The following FBXL13 variants were observed in gnomAD, a reference collection of about 807,000 sequenced individuals.
FBXL13 encodes the protein F-box and leucine rich repeat protein 13.
In FBXL13, 67 loss-of-function variants were observed where a neutral mutation model predicts 83.6. The ratio of observed to expected loss-of-function variants is 0.80; its 90% CI spans 0.66 to 0.98. The LOEUF (loss-of-function observed/expected upper bound fraction) is 0.98, where lower values mean the gene tolerates loss of function less well. Among genes scored for constraint, FBXL13 ranks in the 50% least tolerant of loss-of-function variants. FBXL13 has a pLI of 0.00. For synonymous variants in FBXL13, 272 were observed against 299.5 expected (o/e 0.91, Z 0.95); for missense variants, 822 against 866.5 (o/e 0.95, Z 0.64).
At chr7:103,004,512 G>A (rs1327393833) in intron 6 of FBXL13, among the ~76,000 whole-genome samples, 1 of 152,176 alleles carries the variant, frequency 6.6e-6, no homozygotes, top group Non-Finnish European at 1.5e-5. Flanking sequence ...AAGGGCTGGG[G>A]TTGCTCTTTG....
intron 6 of FBXL13, among the ~76,000 whole-genome samples, chr7:102,977,666 C>G (rs1472428616): frequency 6.6e-6 from 1 of 152,124 alleles, no homozygotes; most frequent in Non-Finnish European, 1.5e-5. Flanking sequence ...TATTGTGGCA[C>G]TATTCACAAT....
intron 1 of FBXL13, among the ~76,000 whole-genome samples, chr7:103,056,044 T>C (rs1797300796): frequency 6.6e-6 from 1 of 152,168 alleles, no homozygotes; most frequent in African/African-American, 2.4e-5. Flanking sequence ...CATTGTATCA[T>C]TCTATGTCTT....
At chr7:102,964,409 T>A (rs76203653) in intron 7 of FBXL13, among the ~76,000 whole-genome samples, 2,579 of 138,464 alleles carry the variant, frequency 0.019, 36 homozygotes, top group Admixed American at 0.048. Flanking sequence ...TATATATTTT[T>A]TTTTTTTTTT....
At chr7:103,017,508 C>G (rs1354567852) in intron 6 of FBXL13, among the ~76,000 whole-genome samples, 1 of 152,182 alleles carries the variant, frequency 6.6e-6, no homozygotes, top group Non-Finnish European at 1.5e-5. Flanking sequence ...AAGAAGGCTT[C>G]AGACGATCAA....
intron 10 of FBXL13, among the ~76,000 whole-genome samples, chr7:102,923,748 C>T (rs1421590699): frequency 6.6e-6 from 1 of 151,864 alleles, no homozygotes; most frequent in African/African-American, 2.4e-5. Flanking sequence ...TGCTTTGAAC[C>T]TGGGAGGCGG....
At chr7:103,003,719 T>A in intron 6 of FBXL13, among the ~76,000 whole-genome samples, 1 of 152,084 alleles carries the variant, frequency 6.6e-6, no homozygotes, top group Non-Finnish European at 1.5e-5. Flanking sequence ...GTAGCTGGGA[T>A]TACAGGCGTG....
At chr7:103,011,260 G>A (rs551001040) in intron 6 of FBXL13, among the ~76,000 whole-genome samples, 5 of 152,266 alleles carry the variant, frequency 3.3e-5, no homozygotes, top group African/African-American at 4.8e-5. Flanking sequence ...TCAATATACC[G>A]GAGATAGTTA....
chr7:102,836,242 C>A (rs963974904), intron 17 of FBXL13, among the ~76,000 whole-genome samples: 1 of 152,126 alleles, frequency 6.6e-6, no homozygotes, highest in African/African-American at 2.4e-5. Flanking sequence ...TTCATGGTAC[C>A]ATTCTCATCC....
intron 18 of FBXL13, chr7:102,822,488 T>C (rs1798938047): frequency 1.8e-6 from 1 of 553,030 alleles, no homozygotes; most frequent in Non-Finnish European, 3.4e-6. Context: ...TGTCTTCTTA[T>C]ATGGTCATAA....
At chr7:102,938,015 C>T (rs73408254) in intron 8 of FBXL13, among the ~76,000 whole-genome samples, 5,401 of 152,162 alleles carry the variant, frequency 0.035, 294 homozygotes, top group African/African-American at 0.12. Context: ...TGTATTTTTG[C>T]CTTAAATATC....
At chr7:102,867,997 C>T (rs973001148) in intron 16 of FBXL13, among the ~76,000 whole-genome samples, 101 of 151,754 alleles carry the variant, frequency 6.7e-4, no homozygotes, top group African/African-American at 2.4e-3. Context: ...CCACCGTGCC[C>T]GGCCAGATAT....
intron 8 of FBXL13, 63 bp downstream of exon 9, chr7:102,963,470 C>T: frequency 6.3e-7 from 1 of 1,579,666 alleles, no homozygotes; most frequent in Non-Finnish European, 8.6e-7. Flanking sequence ...CTATGCTTTT[C>T]TGTATATTTG....
chr7:102,888,835 G>C (rs1238444249), intron 11 of FBXL13, among the ~76,000 whole-genome samples: 1 of 152,136 alleles, frequency 6.6e-6, no homozygotes, highest in Non-Finnish European at 1.5e-5. Flanking sequence ...CAGAGGAGGA[G>C]AGAAGAATGC....
chr7:102,955,932 A>G (rs779203983), intron 8 of FBXL13, among the ~76,000 whole-genome samples: 3 of 152,200 alleles, frequency 2.0e-5, no homozygotes, highest in Non-Finnish European at 4.4e-5. Flanking sequence ...AGACGGATTC[A>G]CAGCCGAATT....
chr7:102,944,012 A>G (rs1821964240), intron 8 of FBXL13, among the ~76,000 whole-genome samples: 1 of 152,232 alleles, frequency 6.6e-6, no homozygotes, highest in African/African-American at 2.4e-5. Flanking sequence ...ATTTAAAGAC[A>G]TTTCAAAGAG....
chr7:102,821,419 G>A (rs1798795974), intron 19 of FBXL13, among the ~76,000 whole-genome samples: 1 of 152,062 alleles, frequency 6.6e-6, no homozygotes, highest in Non-Finnish European at 1.5e-5. Context: ...TCTTCCTCAG[G>A]CCTCAAGAAA....
chr7:102,913,114 A>T (rs1815091010), exon 11 of FBXL13: 1 of 1,614,176 alleles, frequency 6.2e-7, no homozygotes. Flanking sequence ...GTCCAGATAG[A>T]TGAGCTTGTG....
chr7:102,952,140 T>C (rs1246476202), intron 8 of FBXL13, among the ~76,000 whole-genome samples: 1 of 152,090 alleles, frequency 6.6e-6, no homozygotes, highest in Non-Finnish European at 1.5e-5. Context: ...CCTAGAGTCA[T>C]CAAATTCATA....
At chr7:102,922,292 C>G (rs992645967) in intron 10 of FBXL13, among the ~76,000 whole-genome samples, 7 of 151,828 alleles carry the variant, frequency 4.6e-5, no homozygotes, top group African/African-American at 1.7e-4. Flanking sequence ...CAATACTTAT[C>G]AAGTTATACA....
Sources: gnomAD v4.1 joint callset for allele counts (sites outside exome capture counted in the v4.1 genomes callset) on GRCh38, gnomAD v4.1.1 for gene constraint, MANE v1.5 for transcripts, NCBI Gene and HGNC (gene_info 2026-07-23, HGNC 2026-07-21) for gene names.